CFAP299: variants seen among roughly 807,000 people sequenced by gnomAD.
CFAP299 encodes cilia- and flagella-associated protein 299.
A neutral mutation model predicts 27.0 loss-of-function variants in CFAP299; 21 were observed. The ratio of observed to expected loss-of-function variants is 0.78; its 90% CI spans 0.55 to 1.12. The LOEUF (loss-of-function observed/expected upper bound fraction) is 1.12, where lower values mean the gene tolerates loss of function less well. Among genes scored for constraint, CFAP299 ranks in the 50% most tolerant of loss-of-function variants. The pLI, the probability that CFAP299 is intolerant of heterozygous loss-of-function variation, is 0.00. For synonymous variants in CFAP299, 104 were observed against 98.1 expected (o/e 1.06, Z -0.36); for missense variants, 310 against 276.6 (o/e 1.12, Z -0.86).
chr4:80,441,382 G>T (rs1414491426), intron 2 of CFAP299, among the ~76,000 whole-genome samples: 2 of 152,230 alleles, frequency 1.3e-5, no homozygotes, highest in Non-Finnish European at 1.5e-5. Flanking sequence ...CAAGCCAGAA[G>T]AGAGTGGGGG....
intron 3 of CFAP299, among the ~76,000 whole-genome samples, chr4:80,595,779 G>T (rs1195664628): frequency 3.3e-5 from 5 of 152,172 alleles, no homozygotes; most frequent in Admixed American, 3.3e-4. Flanking sequence ...TATTTATTAA[G>T]TTATCAAGCT....
intron 2 of CFAP299, among the ~76,000 whole-genome samples, chr4:80,457,147 G>C (rs146624718): frequency 0.014 from 2,188 of 151,984 alleles, 42 homozygotes; most frequent in Admixed American, 0.059. Flanking sequence ...TTTGAAGTAG[G>C]GTATAAATAA....
intron 2 of CFAP299, among the ~76,000 whole-genome samples, chr4:80,395,863 T>A (rs529945603): frequency 2.8e-4 from 42 of 152,280 alleles, no homozygotes; most frequent in African/African-American, 9.9e-4. Context: ...AATTATTCCT[T>A]CAGTTACTGG....
At chr4:80,328,410 C>G in the CFAP299 span, among the ~76,000 whole-genome samples, 3 of 148,860 alleles carry the variant, frequency 2.0e-5, no homozygotes, top group South Asian at 4.2e-4. Flanking sequence ...AATTGGAGGA[C>G]ATAGGTTGCA....
intron 3 of CFAP299, among the ~76,000 whole-genome samples, chr4:80,816,344 G>A (rs1729420446): frequency 1.3e-5 from 2 of 152,028 alleles, no homozygotes; most frequent in Admixed American, 1.3e-4. Context: ...GAGAAAAAAG[G>A]ATTTATTAGT....
chr4:80,951,276 A>C (rs538629654), intron 5 of CFAP299, among the ~76,000 whole-genome samples: 2 of 152,312 alleles, frequency 1.3e-5, no homozygotes, highest in East Asian at 3.9e-4. Context: ...TTAGTGAAAC[A>C]AAAAACAGTA....
intron 4 of CFAP299, among the ~76,000 whole-genome samples, chr4:80,913,713 C>T (rs1354109931): frequency 6.6e-5 from 10 of 152,162 alleles, no homozygotes; most frequent in Non-Finnish European, 1.5e-5. Context: ...GTATAATCTA[C>T]ATACAATGAA....
In CFAP299 at chr4:80,362,781, G is replaced by A. The variant is rs1276251348; in HGVS notation, c.139G>A (p.Glu47Lys). ...TGAAACCCTGGCCCGCCAGTTGGTG[G>A]AGCTAGGCTACCGAGGGACTGGAGA... Reference protein sequence around the residue: ...EDETLARQLVELGYRGTGERV... With the variant: ...EDETLARQLVKLGYRGTGERV... Residue 47 changes from glutamate to lysine, a missense_variant, in exon 2 of 6, where the codon GAG becomes AAG. By Grantham distance (56) the Glu-to-Lys change is moderately conservative. Coordinates refer to ENST00000358105, the MANE Select transcript of CFAP299 (RefSeq NM_152770.3). 2 of 1,611,498 alleles carry A rather than the reference G, an allele frequency of 1.2e-6. No individual in the cohort carries two copies. Among genetic ancestry groups the A allele is most frequent in the East Asian group, 4.5e-5 (2 of 44,730 alleles).
At chr4:80,550,138 G>A (rs1480516269) in intron 2 of CFAP299, among the ~76,000 whole-genome samples, 2 of 151,882 alleles carry the variant, frequency 1.3e-5, no homozygotes, top group Non-Finnish European at 2.9e-5. Context: ...AAAAAATGCA[G>A]CCACCTAAAT....
intron 2 of CFAP299, among the ~76,000 whole-genome samples, chr4:80,507,323 G>A (rs12650570): frequency 0.35 from 52,959 of 151,960 alleles, 11,121 homozygotes; most frequent in African/African-American, 0.59. Flanking sequence ...CTATGGGGGC[G>A]TCACATGGTC....
chr4:80,327,130 G>A, the CFAP299 span, among the ~76,000 whole-genome samples: 8 of 152,078 alleles, frequency 5.3e-5, no homozygotes, highest in Non-Finnish European at 1.0e-4. Flanking sequence ...GATGTAATGA[G>A]GATTGACTTG....
At chr4:80,833,704 A>G (rs929893091) in intron 3 of CFAP299, among the ~76,000 whole-genome samples, 2 of 152,202 alleles carry the variant, frequency 1.3e-5, no homozygotes, top group Non-Finnish European at 2.9e-5. Flanking sequence ...CAGAATTTCA[A>G]CTGCAAGTAA....
intron 2 of CFAP299, among the ~76,000 whole-genome samples, chr4:80,457,289 A>C (rs776556823): frequency 1.3e-5 from 2 of 152,216 alleles, no homozygotes; most frequent in Non-Finnish European, 2.9e-5. Context: ...ACGTCCTAAT[A>C]ACATCAACTT....
At chr4:80,750,422 G>A (rs913383919) in intron 3 of CFAP299, among the ~76,000 whole-genome samples, 7 of 152,066 alleles carry the variant, frequency 4.6e-5, no homozygotes, top group African/African-American at 1.7e-4. Flanking sequence ...CTCACGACAT[G>A]CATGGCAACA....
At position 80,437,645 on chromosome 4, in the gene CFAP299, T is replaced by C. The variant is rs566453919; in HGVS notation, c.242+74761T>C. Among the ~76,000 whole-genome samples, 10 of 152,292 alleles carry C rather than the reference T, an allele frequency of 6.6e-5. No individual in the cohort carries two copies. In the South Asian group the frequency reaches 2.1e-3, roughly 32 times the overall value. ...ACACTATCTCCATCTACCAGAGTTA[T>C]AAGATACATCTTCCAAGGCTGGTCA... On this transcript the variant is annotated intron_variant, in intron 2 of 5. Coordinates refer to ENST00000358105, the MANE Select transcript of CFAP299 (RefSeq NM_152770.3).
the CFAP299 span, among the ~76,000 whole-genome samples, chr4:80,321,694 T>C: frequency 6.6e-6 from 1 of 152,132 alleles, no homozygotes; most frequent in Admixed American, 6.5e-5. Context: ...TTTCAACATA[T>C]CTTAGATCCA....
chr4:80,342,044 A>T lies in CFAP299; in HGVS notation c.111+6165A>T, dbSNP rs1030165869. 3.9e-5 allele frequency among the ~76,000 whole-genome samples: 6 copies of T among 152,376 alleles called. No individual in the cohort carries two copies. In the East Asian group the frequency reaches 1.2e-3, roughly 29 times the overall value. ...TAATCACAAGTATCAATAGCAGAATAGACCAACCAGAGGAAAGACTCTCAG... is the reference window on the plus strand; with the variant it reads ...TAATCACAAGTATCAATAGCAGAATTGACCAACCAGAGGAAAGACTCTCAG... On this transcript the variant is annotated intron_variant, in intron 1 of 5. Transcript: ENST00000358105.
intron 1 of CFAP299, among the ~76,000 whole-genome samples, chr4:80,341,290 G>A (rs1287123439): frequency 6.6e-6 from 1 of 152,212 alleles, no homozygotes; most frequent in Non-Finnish European, 1.5e-5. Context: ...AGGCAGTGTG[G>A]ATGAGGAAGG....
At chr4:80,711,292 A>G (rs1028831165) in intron 3 of CFAP299, among the ~76,000 whole-genome samples, 10 of 152,170 alleles carry the variant, frequency 6.6e-5, no homozygotes, top group Admixed American at 6.5e-4. Flanking sequence ...ACAGTGTGAG[A>G]GAGCTAGTGT....
Sources: gnomAD v4.1 joint callset for allele counts (sites outside exome capture counted in the v4.1 genomes callset) on GRCh38, gnomAD v4.1.1 for gene constraint, MANE v1.5 for transcripts, NCBI Gene and HGNC (gene_info 2026-07-23, HGNC 2026-07-21) for gene names.